The following BACE2 variants were observed in gnomAD, a reference collection of about 807,000 sequenced individuals.
BACE2 encodes the protein beta-secretase 2.
Under a neutral mutation model 46.2 loss-of-function variants are expected in BACE2, and 17 were observed. The ratio of observed to expected loss-of-function variants is 0.37; its 90% CI spans 0.25 to 0.55. The LOEUF is 0.55. Ranked by LOEUF, BACE2 falls within the 20% of genes least tolerant of loss-of-function variation. The pLI is 0.82. For synonymous variants in BACE2, 277 were observed against 295.9 expected (o/e 0.94, Z 0.66); for missense variants, 595 against 698.1 (o/e 0.85, Z 1.66).
chr21:41,179,378 G>A (rs1985004395), intron 1 of BACE2: 4 of 1,322,062 alleles, frequency 3.0e-6, no homozygotes, highest in Non-Finnish European at 4.0e-6. Context: ...GGTGAGGAGT[G>A]AGGGTATCCA....
chr21:41,260,890 ATTTT>A (rs200732029), intron 8 of BACE2, among the ~76,000 whole-genome samples: 1 of 151,062 alleles, frequency 6.6e-6, no homozygotes, highest in Non-Finnish European at 1.5e-5. Context: ...TGTTTGGTTT[ATTTT>A]TTTTTATTTT....
chr21:41,230,414 T>G (rs1412734108), intron 2 of BACE2, among the ~76,000 whole-genome samples: 1 of 152,260 alleles, frequency 6.6e-6, no homozygotes, highest in Non-Finnish European at 1.5e-5. Flanking sequence ...GTCTAATGCT[T>G]TCGTGTAACT....
intron 7 of BACE2, among the ~76,000 whole-genome samples, chr21:41,256,284 C>T (rs536109133): frequency 2.0e-5 from 3 of 152,146 alleles, no homozygotes; most frequent in South Asian, 4.2e-4. Flanking sequence ...TGTTCCTCTC[C>T]GTATGTCCAT....
intron 1 of BACE2, among the ~76,000 whole-genome samples, chr21:41,221,044 TAAAA>T (rs59801748): frequency 7.5e-6 from 1 of 132,716 alleles, no homozygotes; most frequent in Non-Finnish European, 1.6e-5. Flanking sequence ...AAAAGTATAT[TAAAA>T]AAAAAAAAAA....
chr21:41,252,328 C>G (rs1409387877), intron 7 of BACE2: 14 of 152,496 alleles, frequency 9.2e-5, no homozygotes, highest in Non-Finnish European at 1.3e-4. Flanking sequence ...GTTCCACCAA[C>G]CCCCCTGCCT....
intron 8 of BACE2, among the ~76,000 whole-genome samples, chr21:41,264,795 C>T (rs1988027255): frequency 6.6e-6 from 1 of 152,106 alleles, no homozygotes; most frequent in Non-Finnish European, 1.5e-5. Context: ...CAAACCATAT[C>T]AACAACAAAG....
rs1446930037 is a variant in BACE2 at position 41,173,196 on chromosome 21, G to C, written c.312+4621G>C. Among the ~76,000 whole-genome samples, 4 of 152,242 alleles carry C rather than the reference G, an allele frequency of 2.6e-5. No individual in the cohort carries two copies. The East Asian group carries it at 7.7e-4, about 29-fold the overall frequency. On this transcript the variant is annotated intron_variant, in intron 1 of 8. Transcript: ENST00000330333. ...TTAATCCACAACAAGTTCATTCTAA[G>C]TTTTTCATTCTATGGATTTTTTTTC...
intron 1 of BACE2, among the ~76,000 whole-genome samples, chr21:41,169,450 A>C (rs1370461767): frequency 3.7e-5 from 2 of 54,694 alleles, no homozygotes; most frequent in Non-Finnish European, 9.6e-5. Context: ...CAGTGATCTG[A>C]AAAAAAAAAA....
intron 1 of BACE2, chr21:41,185,357 G>A (rs1457569697): frequency 6.6e-6 from 1 of 152,220 alleles, no homozygotes; most frequent in East Asian, 1.9e-4. Context: ...GGAGACCTCA[G>A]AGGCTCTGAC....
chr21:41,231,776 C>G (rs923667909), intron 2 of BACE2, among the ~76,000 whole-genome samples: 1 of 152,146 alleles, frequency 6.6e-6, no homozygotes, highest in African/African-American at 2.4e-5. Context: ...CAAGGAGAAG[C>G]CCATCCAGGT....
intron 1 of BACE2, among the ~76,000 whole-genome samples, chr21:41,220,868 G>A (rs1392761319): frequency 6.6e-6 from 1 of 151,786 alleles, no homozygotes; most frequent in Non-Finnish European, 1.5e-5. Flanking sequence ...AAACGAAGAG[G>A]TTTAAAGTAA....
At chr21:41,248,183 G>T (rs896069232) in intron 6 of BACE2, among the ~76,000 whole-genome samples, 3 of 152,282 alleles carry the variant, frequency 2.0e-5, no homozygotes, top group Admixed American at 2.0e-4. Flanking sequence ...CAGGCCCAGC[G>T]CCTCTCTACG....
chr21:41,265,090 A>G (rs1296600294), intron 8 of BACE2, among the ~76,000 whole-genome samples: 1 of 151,304 alleles, frequency 6.6e-6, no homozygotes, highest in African/African-American at 2.4e-5. Flanking sequence ...TTAATTTAAA[A>G]GGCTAGGTAA....
At chr21:41,237,841 C>T (rs2123595327) in intron 3 of BACE2, 112 bp downstream of exon 3, 1 of 810,346 alleles carries the variant, frequency 1.2e-6, no homozygotes, top group East Asian at 2.6e-5. Flanking sequence ...ACAGTGAGAA[C>T]CACGTGGTGG....
At chr21:41,224,679 CTGGGGAAGATGAGTGAAACAG>C (rs1171468244) in intron 1 of BACE2, among the ~76,000 whole-genome samples, 1 of 152,210 alleles carries the variant, frequency 6.6e-6, no homozygotes, top group African/African-American at 2.4e-5. Context: ...ACATCGTTCA[CTGGGGAAGATGAGTGAAACAG>C]TGGGATACAG....
chr21:41,229,801 C>G lies in BACE2; in HGVS notation c.401+3447C>G, dbSNP rs183481200. 1.5e-3 allele frequency among the ~76,000 whole-genome samples: 224 copies of G among 152,316 alleles called. 1 individual carries two copies. The highest frequency in any genetic ancestry group is 5.2e-3 in the African/African-American group (218 of 41,560). ...CCTGTTTTCCATCCTTTGGGCTTCT[C>G]TAGTCCATATGCATTTGATGAATAT... On this transcript the variant is annotated intron_variant, in intron 2 of 8. Transcript: ENST00000330333.
intron 1 of BACE2, among the ~76,000 whole-genome samples, chr21:41,174,810 T>G (rs1050683848): frequency 5.3e-5 from 8 of 152,228 alleles, no homozygotes; most frequent in African/African-American, 1.4e-4. Context: ...GTGTCATGGA[T>G]CCCTCCTCTG....
In BACE2 at chr21:41,168,282, G is replaced by T; in HGVS notation, c.19G>T (p.Ala7Ser). Residue 7 changes from alanine (A) to serine (S), a missense_variant, in exon 1 of 9, where the codon GCG becomes TCG. Ala to Ser is a moderately conservative substitution (Grantham distance 99). Around this residue, in one of 3 missense-constraint regions of BACE2, gnomAD observed 248 missense variants for 261.4 expected, o/e 0.95. Transcript: ENST00000330333. ...CGTGGGCATGGGCGCACTGGCCCGG[G>T]CGCTGCTGCTGCCTCTGCTGGCCCA... MGALARALLLPLLAQWL... is the reference protein window; with the variant it reads MGALARSLLLPLLAQWL... The T allele has an allele frequency of 8.1e-7, 1 of 1,240,076 alleles. No homozygotes were observed. Among genetic ancestry groups the T allele is most frequent in the Non-Finnish European group, 1.0e-6 (1 of 993,762 alleles). 76.8% of individuals were successfully genotyped at this position (1,240,076 alleles called of 1,614,324 possible).
intron 2 of BACE2, among the ~76,000 whole-genome samples, chr21:41,226,651 G>A (rs943708494): frequency 6.6e-6 from 1 of 152,200 alleles, no homozygotes. Context: ...GGAGCTTGTG[G>A]CCCTTTGGTG....
Sources: gnomAD v4.1 joint callset for allele counts (sites outside exome capture counted in the v4.1 genomes callset) on GRCh38, gnomAD v4.1.1 for gene constraint, gnomAD v4.1.1 regional missense constraint, MANE v1.5 for transcripts, NCBI Gene and HGNC (gene_info 2026-07-23, HGNC 2026-07-21) for gene names.